The following BCL2 variants were observed in gnomAD, a reference collection of about 807,000 sequenced individuals.
BCL2 encodes the protein BCL2 apoptosis regulator.
Under a neutral mutation model 14.2 loss-of-function variants are expected in BCL2, and 1 was observed. The ratio of observed to expected loss-of-function variants is 0.07; its 90% CI spans 0.02 to 0.33. The LOEUF (loss-of-function observed/expected upper bound fraction) is 0.33, where lower values mean the gene tolerates loss of function less well. BCL2 is among the 10% of genes least tolerant of loss of function. The pLI is 0.99. For synonymous variants in BCL2, 151 were observed against 137.2 expected, an observed-to-expected ratio of 1.10 and a Z score of -0.70; for missense variants, 247 against 305.9, an observed-to-expected ratio of 0.81 and a Z score of 1.44.
At chr18:63,253,128 C>A (rs1314951623) in intron 2 of BCL2, among the ~76,000 whole-genome samples, 1 of 152,216 alleles carries the variant, frequency 6.6e-6, no homozygotes, top group African/African-American at 2.4e-5. Context: ...ACATAGCTGG[C>A]ACTGTTCTAA....
chr18:63,220,458 C>T (rs1449281712), intron 2 of BCL2, among the ~76,000 whole-genome samples: 1 of 152,096 alleles, frequency 6.6e-6, no homozygotes, highest in African/African-American at 2.4e-5. Context: ...CATAGGTCTA[C>T]CAGGGAGCAG....
chr18:63,150,890 A>G (rs185202318), intron 2 of BCL2, among the ~76,000 whole-genome samples: 43 of 151,750 alleles, frequency 2.8e-4, no homozygotes, highest in Middle Eastern at 3.4e-3. Context: ...CCACTGGGCT[A>G]CTCCTGTCAT....
chr18:63,213,547 A>AACACACACACACAC (rs57058660), intron 2 of BCL2, among the ~76,000 whole-genome samples: 5 of 146,240 alleles, frequency 3.4e-5, no homozygotes, highest in South Asian at 2.2e-4. Context: ...CACACACATA[A>AACACACACACACAC]ACACACACAC....
rs757967145 is a variant in BCL2 at position 63,123,672 on chromosome 18, C to T, written c.*4953G>A. 1.8e-4 allele frequency: 38 copies of T among 212,624 alleles called. No individual in the cohort carries two copies. The highest frequency in any genetic ancestry group is 2.5e-4 in the Non-Finnish European group (26 of 105,208). 13.2% of individuals were successfully genotyped at this position (212,624 alleles called of 1,614,324 possible). A position where few individuals can be genotyped will look rare whatever the true frequency, so the allele number is the denominator to read the frequency against. Reference sequence around the variant, plus strand: ...TTATTTTTATTTAAAACAAAAATAACCCCAGTAACTCAAAACAAAAGCAAA... The same window carrying T: ...TTATTTTTATTTAAAACAAAAATAATCCCAGTAACTCAAAACAAAAGCAAA... On this transcript the variant is annotated 3_prime_UTR_variant, in exon 3 of 3. Coordinates refer to ENST00000333681, the MANE Select transcript of BCL2 (RefSeq NM_000633.3).
chr18:63,211,844 C>T lies in BCL2; in HGVS notation c.586-83085G>A, dbSNP rs117902287. Among the ~76,000 whole-genome samples the T allele has an allele frequency of 1.4e-3, 212 of 152,328 alleles. 1 individual carries two copies. In the East Asian group the frequency reaches 0.016, roughly 12 times the overall value. ...GCGGCAGCACCAGCCTGAAGCTCTTCAGTCATGAAAATCAGGGAACACGTC... is the reference window on the plus strand; with the variant it reads ...GCGGCAGCACCAGCCTGAAGCTCTTTAGTCATGAAAATCAGGGAACACGTC... On this transcript the variant is annotated intron_variant, in intron 2 of 2. Coordinates refer to ENST00000333681, the MANE Select transcript of BCL2 (RefSeq NM_000633.3).
chr18:63,289,205 A>C (rs1001107077), intron 2 of BCL2, among the ~76,000 whole-genome samples: 16 of 152,186 alleles, frequency 1.1e-4, no homozygotes, highest in Admixed American at 8.5e-4. Flanking sequence ...GAAGAAGGAA[A>C]AGTATAGCAA....
At chr18:63,212,824 C>T (rs1173023576) in intron 2 of BCL2, among the ~76,000 whole-genome samples, 2 of 151,654 alleles carry the variant, frequency 1.3e-5, no homozygotes, top group African/African-American at 2.4e-5. Context: ...TGCAGTGAGC[C>T]GAGATCACAC....
At chr18:63,199,065 A>G (rs958123877) in intron 2 of BCL2, among the ~76,000 whole-genome samples, 18 of 151,636 alleles carry the variant, frequency 1.2e-4, no homozygotes, top group Admixed American at 8.5e-4. Flanking sequence ...CACACACTAC[A>G]CAACACATGC....
intron 2 of BCL2, among the ~76,000 whole-genome samples, chr18:63,303,146 C>T (rs1191981362): frequency 6.6e-6 from 1 of 152,116 alleles, no homozygotes; most frequent in East Asian, 1.9e-4. Flanking sequence ...CAGACTTTCC[C>T]CACCTTTTTA....
chr18:63,273,202 C>T (rs1912052257), intron 2 of BCL2, among the ~76,000 whole-genome samples: 1 of 152,168 alleles, frequency 6.6e-6, no homozygotes, highest in Non-Finnish European at 1.5e-5. Flanking sequence ...GGTCGGAATG[C>T]TTTCTCTTGG....
At chr18:63,140,986 GA>G (rs1663603544) in intron 2 of BCL2, among the ~76,000 whole-genome samples, 1 of 152,084 alleles carries the variant, frequency 6.6e-6, no homozygotes, top group East Asian at 1.9e-4. Flanking sequence ...TTCTCCAAAA[GA>G]AAAAAAGGAA....
intron 2 of BCL2, among the ~76,000 whole-genome samples, chr18:63,186,977 C>A (rs1005769263): frequency 8.5e-5 from 13 of 152,228 alleles, no homozygotes; most frequent in Non-Finnish European, 1.5e-4. Context: ...GTCTTCTTTT[C>A]ATGTGAATAT....
intron 2 of BCL2, among the ~76,000 whole-genome samples, chr18:63,137,622 C>T (rs1914243230): frequency 6.6e-6 from 1 of 152,106 alleles, no homozygotes. Context: ...TAGCCGGTTC[C>T]CAAGGACACA....
chr18:63,136,892 T>G (rs1278317876), intron 2 of BCL2, among the ~76,000 whole-genome samples: 1 of 152,212 alleles, frequency 6.6e-6, no homozygotes, highest in Non-Finnish European at 1.5e-5. Context: ...TAGTGAGCAC[T>G]GAAGTGGTAA....
intron 2 of BCL2, among the ~76,000 whole-genome samples, chr18:63,290,985 C>T (rs1164865155): frequency 2.6e-4 from 40 of 151,988 alleles, no homozygotes; most frequent in Non-Finnish European, 2.9e-5. Flanking sequence ...TCCTCCTCCA[C>T]AGAAGAGTGA....
intron 2 of BCL2, among the ~76,000 whole-genome samples, chr18:63,132,706 G>A (rs901707292): frequency 5.3e-5 from 8 of 152,162 alleles, no homozygotes; most frequent in East Asian, 1.9e-4. Context: ...AGCTTCTTTC[G>A]TAGAAAGTCT....
intron 2 of BCL2, among the ~76,000 whole-genome samples, chr18:63,158,754 C>T (rs969226058): frequency 2.6e-5 from 4 of 152,134 alleles, no homozygotes; most frequent in Non-Finnish European, 4.4e-5. Flanking sequence ...AAATTTATAG[C>T]GCCGCCTGTC....
At chr18:63,223,170 C>T (rs556888198) in intron 2 of BCL2, among the ~76,000 whole-genome samples, 2 of 151,976 alleles carry the variant, frequency 1.3e-5, no homozygotes, top group South Asian at 2.1e-4. Context: ...GGGAGGCCAA[C>T]GTGGGCGGAT....
intron 2 of BCL2, among the ~76,000 whole-genome samples, chr18:63,214,935 C>T (rs1247372099): frequency 1.3e-5 from 2 of 152,134 alleles, no homozygotes; most frequent in Non-Finnish European, 2.9e-5. Flanking sequence ...TCTCAAACTC[C>T]TGACCTCAAG....
Sources: gnomAD v4.1 joint callset for allele counts (sites outside exome capture counted in the v4.1 genomes callset) on GRCh38, gnomAD v4.1.1 for gene constraint, MANE v1.5 for transcripts, NCBI Gene and HGNC (gene_info 2026-07-23, HGNC 2026-07-21) for gene names.